MAPDA: variants seen among roughly 807,000 people sequenced by gnomAD.
MAPDA encodes N6,N6-dimethyl-AMP deaminase.
the MAPDA span, chr15:43,331,762 G>A: frequency 6.6e-6 from 1 of 152,244 alleles, no homozygotes; most frequent in Non-Finnish European, 1.5e-5. Context: ...CCATGTTTCA[G>A]TGAATAGGAG....
chr15:43,346,230 T>C, the MAPDA span, among the ~76,000 whole-genome samples: 18 of 152,346 alleles, frequency 1.2e-4, no homozygotes, highest in Admixed American at 3.3e-4. Flanking sequence ...TTCTCCATTC[T>C]TCTAAAGATG....
At chr15:43,336,190 C>T in the MAPDA span, among the ~76,000 whole-genome samples, 152 of 152,198 alleles carry the variant, frequency 1.0e-3, no homozygotes, top group Non-Finnish European at 1.5e-3. Context: ...CACAGGTGCA[C>T]GCCACCATGA....
At chr15:43,335,669 A>T in the MAPDA span, 1 of 1,578,842 alleles carries the variant, frequency 6.3e-7, no homozygotes, top group South Asian at 1.2e-5. Context: ...TGGATATTTG[A>T]TAAGTTTTAC....
At chr15:43,347,910 G>A in the MAPDA span, among the ~76,000 whole-genome samples, 1 of 152,112 alleles carries the variant, frequency 6.6e-6, no homozygotes, top group South Asian at 2.1e-4. Context: ...TAGAATCTAT[G>A]TTTCCACACT....
chr15:43,343,072 T>A, the MAPDA span: 2 of 1,569,620 alleles, frequency 1.3e-6, no homozygotes, highest in Non-Finnish European at 1.7e-6. Context: ...GACATTGATG[T>A]TAGGTAAGAA....
At chr15:43,349,112 G>C in the MAPDA span, 1 of 1,610,278 alleles carries the variant, frequency 6.2e-7, no homozygotes, top group South Asian at 1.1e-5. Context: ...AGGTTGCCTG[G>C]GGATTACAGA....
the MAPDA span, chr15:43,347,079 G>A: frequency 6.2e-7 from 1 of 1,613,574 alleles, no homozygotes; most frequent in Non-Finnish European, 8.5e-7. Flanking sequence ...TCTGAAGTTA[G>A]CATTGCATCT....
the MAPDA span, among the ~76,000 whole-genome samples, chr15:43,334,664 T>TATA: frequency 1.1e-4 from 13 of 121,900 alleles, no homozygotes; most frequent in South Asian, 5.3e-4. Flanking sequence ...TATATATATA[T>TATA]TTTATCCAAA....
At chr15:43,346,989 A>G in the MAPDA span, 1 of 1,587,342 alleles carries the variant, frequency 6.3e-7, no homozygotes. Flanking sequence ...ATTCTCATGC[A>G]TCCTTATTTT....
At chr15:43,332,299 G>C in the MAPDA span, 2 of 152,026 alleles carry the variant, frequency 1.3e-5, no homozygotes, top group Non-Finnish European at 1.5e-5. Flanking sequence ...GCTCACCTAT[G>C]CCTGCTGGGT....
At chr15:43,350,524 C>T in the MAPDA span, among the ~76,000 whole-genome samples, 1 of 152,208 alleles carries the variant, frequency 6.6e-6, no homozygotes, top group African/African-American at 2.4e-5. Flanking sequence ...AATGCTCTCA[C>T]ACCTGGTGCT....
chr15:43,340,234 TCA>T, the MAPDA span: 1 of 1,591,214 alleles, frequency 6.3e-7, no homozygotes, highest in African/African-American at 1.3e-5. Context: ...CCAAACATTA[TCA>T]ATATTGTGTA....
the MAPDA span, among the ~76,000 whole-genome samples, chr15:43,343,722 A>G: frequency 6.6e-6 from 1 of 152,068 alleles, no homozygotes; most frequent in African/African-American, 2.4e-5. Context: ...AGTGAAGCCA[A>G]GGACCTTGTT....
At chr15:43,337,296 A>AG in the MAPDA span, among the ~76,000 whole-genome samples, 3 of 149,144 alleles carry the variant, frequency 2.0e-5, no homozygotes, top group African/African-American at 4.9e-5. Context: ...AAAAAAAAAA[A>AG]GAGAAGTATT....
At chr15:43,349,041 A>C in the MAPDA span, 25 of 1,614,164 alleles carry the variant, frequency 1.5e-5, no homozygotes, top group East Asian at 5.6e-4. Flanking sequence ...ATCGGATACC[A>C]CTGGGTAAGG....
At chr15:43,346,920 T>C in the MAPDA span, 3 of 925,530 alleles carry the variant, frequency 3.2e-6, no homozygotes, top group Non-Finnish European at 5.2e-6. Context: ...TACCATTATT[T>C]TTTTCTGCCA....
chr15:43,345,772 C>A, the MAPDA span: 1 of 1,524,172 alleles, frequency 6.6e-7, no homozygotes, highest in Non-Finnish European at 9.1e-7. Context: ...ACGTAGTCTG[C>A]CATCTCTGTC....
the MAPDA span, chr15:43,348,809 A>G: frequency 7.8e-6 from 10 of 1,285,544 alleles, no homozygotes; most frequent in East Asian, 2.4e-4. Context: ...GTCTGCATTA[A>G]GTACTACTTA....
At chr15:43,351,079 C>T in the MAPDA span, 1 of 1,520,146 alleles carries the variant, frequency 6.6e-7, no homozygotes, top group Non-Finnish European at 8.9e-7. Flanking sequence ...CTCCTTTTTG[C>T]TCCCTGAGTT....
Sources: gnomAD v4.1 joint callset for allele counts (sites outside exome capture counted in the v4.1 genomes callset) on GRCh38, gnomAD v4.1.1 for gene constraint, MANE v1.5 for transcripts, NCBI Gene and HGNC (gene_info 2026-07-23, HGNC 2026-07-21) for gene names.